The following CLUH variants were observed in gnomAD, a reference collection of about 807,000 sequenced individuals.
CLUH encodes CLUH binding protein of NUMT mRNA.
CLUH carries 77 observed loss-of-function variants against 139.3 expected under a neutral mutation model. The observed-to-expected ratio is 0.55, with a 90% CI of 0.46 to 0.67. CLUH has a LOEUF of 0.67. Ranked by LOEUF, CLUH falls within the 30% of genes least tolerant of loss-of-function variation. The pLI is 0.00. For missense variants in CLUH, 1,876 were observed against 1,875.8 expected, an observed-to-expected ratio of 1.00 and a Z score of 0.00; for synonymous variants, 999 against 801.6, an observed-to-expected ratio of 1.25 and a Z score of -4.16.
intron 21 of CLUH, 34 bp downstream of exon 21, chr17:2,692,537 T>G (rs2069736762): frequency 6.2e-7 from 1 of 1,601,742 alleles, no homozygotes; most frequent in African/African-American, 1.3e-5. Flanking sequence ...GGGATGGAGC[T>G]GGGTCCCTGC....
rs1444951639 is a variant in CLUH at position 2,689,531 on chromosome 17, C to T, written c.*1063G>A. 1.3e-5 allele frequency: 2 copies of T among 152,758 alleles called. No homozygotes were observed. Among genetic ancestry groups the T allele is most frequent in the East Asian group, 1.9e-4 (1 of 5,190 alleles). The allele number at this position is 152,758 out of a possible 1,614,324, so 9.5% of individuals were successfully genotyped here. On this transcript the variant is annotated 3_prime_UTR_variant, in exon 26 of 26. Coordinates refer to ENST00000651024, the MANE Select transcript of CLUH (RefSeq NM_001366661.1). The stretch of plus-strand genomic sequence containing the variant: ...CCTTGAAACAAGGTGTCTGGACGGA[C>T]CACACCCATAAGCGGCTCTCCGCAA...
At position 2,706,106 on chromosome 17, in the gene CLUH, C is replaced by T. The variant is rs566078838; in HGVS notation, c.101-1542G>A. 3.5e-4 allele frequency among the ~76,000 whole-genome samples: 54 copies of T among 152,122 alleles called. No homozygotes were observed. Among genetic ancestry groups the T allele is most frequent in the Non-Finnish European group, 6.3e-4 (43 of 68,010 alleles). ...AGCTCTGCCCATCCCATCTAGACCCCACCTCCCCTTCCCCACCCGGCTCTC... is the reference window on the plus strand; with the variant it reads ...AGCTCTGCCCATCCCATCTAGACCCTACCTCCCCTTCCCCACCCGGCTCTC... On this transcript the variant is annotated intron_variant, in intron 1 of 25. Transcript: ENST00000651024. The surrounding 1 kb of genome is among the most constrained non-coding windows in gnomAD (Gnocchi z 4.6).
rs780150192 is a variant in CLUH at position 2,700,378 on chromosome 17, G to C, written c.1266+4C>G. The C allele has an allele frequency of 6.2e-7, 1 of 1,611,786 alleles. No individual in the cohort carries two copies. The highest frequency in any genetic ancestry group is 1.7e-5 in the Admixed American group (1 of 59,856). ...GACTGCCGGTCAGCAGAGGCTGCAG[G>C]CACCTTGAATATGGCCCTTTCTCGG... On this transcript the variant is annotated splice_donor_region_variant and intron_variant, in intron 9 of 25. Transcript: ENST00000651024.
At chr17:2,700,550 C>T (rs1324395974) in intron 8 of CLUH, 76 bp from the exon 9 acceptor site, 1 of 1,556,744 alleles carries the variant, frequency 6.4e-7, no homozygotes, top group South Asian at 1.2e-5. Flanking sequence ...GCTCCTTCTA[C>T]CTTCCTGAGA....
In CLUH at chr17:2,700,843, G is replaced by A. The variant is rs369874928; in HGVS notation, c.1026-18C>T. Reference sequence around the variant, plus strand: ...GCTGGACCCTGTGGCAGGCAGGGGAGGGGGAGATGGGGCAGCCCACCAAGC... The same window carrying A: ...GCTGGACCCTGTGGCAGGCAGGGGAAGGGGAGATGGGGCAGCCCACCAAGC... On this transcript the variant is annotated intron_variant, in intron 7 of 25. Transcript: ENST00000651024. The A allele has an allele frequency of 1.6e-5, 24 of 1,508,050 alleles. No homozygotes were observed. In the Admixed American group the frequency reaches 4.8e-4, roughly 30 times the overall value. The allele number at this position is 1,508,050 out of a possible 1,614,324, so 93.4% of individuals were successfully genotyped here. A position where few individuals can be genotyped will look rare whatever the true frequency, so the allele number is the denominator to read the frequency against.
intron 18 of CLUH, 37 bp from the exon 19 acceptor site, chr17:2,694,076 G>A (rs760093921): frequency 8.2e-5 from 132 of 1,613,842 alleles, no homozygotes; most frequent in Non-Finnish European, 1.1e-4. Flanking sequence ...GGTCAGGACG[G>A]GCCATGGGGA....
rs1031602599 is a variant in CLUH, at chr17:2,694,238, C to T, written c.2976G>A (p.Lys992=). 1 of 1,608,944 alleles carries T rather than the reference C, an allele frequency of 6.2e-7. No homozygotes were observed. Among genetic ancestry groups the T allele is most frequent in the Non-Finnish European group, 8.5e-7 (1 of 1,177,274 alleles). The change falls in exon 18 of 26, where the codon AAG becomes AAA. Residue 992 remains lysine, a synonymous_variant. Coordinates refer to ENST00000651024, the MANE Select transcript of CLUH (RefSeq NM_001366661.1). ...GCACGTCCTCCTCGGTGAACGCGGG[C>T]TTGTGGCGACTGTCGAAGCTGTACT... is the stretch of plus-strand genomic sequence containing the variant. ...LKEYSFDSRH[K]PAFTEEDVLN...
Position 2,703,512 on chromosome 17 carries a change from A to G in CLUH, c.304-23T>C, listed in dbSNP as rs1597622170. The G allele has an allele frequency of 6.2e-7, 1 of 1,606,652 alleles. No homozygotes were observed. The highest frequency in any genetic ancestry group is 8.5e-7 in the Non-Finnish European group (1 of 1,175,698). On this transcript the variant is annotated intron_variant, in intron 2 of 25. Coordinates refer to ENST00000651024, the MANE Select transcript of CLUH (RefSeq NM_001366661.1). The surrounding 1 kb of genome is among the most constrained non-coding windows in gnomAD (Gnocchi z 4.2). The stretch of plus-strand genomic sequence containing the variant: ...CACCTGCAGGGAGAAGGCCCCGCCC[A>G]CCCCGGTGAGAGAGCACGTAGCGGG...
chr17:2,691,813 G>T lies in CLUH; in HGVS notation c.3737C>A (p.Thr1246Asn), dbSNP rs1420423162. ...GCCGTTGCGGTAGATCTCGTTCATG[G>T]TGCGCTGCAGGGCCACGGCCTGCTG... The part of the protein sequence containing the change: ...LTQQAVALQR[T>N]MNEIYRNGSS... The change falls in exon 24 of 26, where the codon ACC (threonine) becomes AAC (asparagine). Residue 1246 changes from threonine to asparagine, a missense_variant. Around this residue, in one of 3 missense-constraint regions of CLUH, gnomAD observed 1,454 missense variants for 1,384.4 expected, o/e 1.05. Transcript: ENST00000651024. The T allele has an allele frequency of 3.8e-6, 6 of 1,579,798 alleles. No individual in the cohort carries two copies.
At chr17:2,705,697 T>C (rs985930809) in intron 1 of CLUH, among the ~76,000 whole-genome samples, 1 of 152,172 alleles carries the variant, frequency 6.6e-6, no homozygotes, top group Non-Finnish European at 1.5e-5. Context: ...CCAGCAGCTC[T>C]ACCCACCACC....
chr17:2,695,413 C>G lies in CLUH; in HGVS notation c.2505G>C (p.Val835=). The G allele has an allele frequency of 6.2e-7, 1 of 1,612,730 alleles. No homozygotes were observed. Among genetic ancestry groups the G allele is most frequent in the Non-Finnish European group, 8.5e-7 (1 of 1,179,760 alleles). ...MRYLGKVLEL[V]LRSPARHQLD... is the part of the protein sequence containing the mutation. ...GCTGGTGGCGGGCCGGGCTCCGCAG[C>G]ACCAGCTCCAGCACCTTGCCCAGGT... The change falls in exon 14 of 26, where the codon GTG becomes GTC. Residue 835 remains valine (V), a synonymous_variant. Transcript: ENST00000651024.
chr17:2,698,040 C>A lies in CLUH; in HGVS notation c.1817G>T (p.Arg606Leu). Residue 606 changes from arginine to leucine, a missense_variant, in exon 10 of 26, where the codon CGC becomes CTC. Physicochemically the swap from Arg to Leu is moderately radical, Grantham distance 102. Coordinates refer to ENST00000651024, the MANE Select transcript of CLUH (RefSeq NM_001366661.1). Reference protein sequence around the residue: ...DGRHYILDLLRTFPPDLNFLP... With the variant: ...DGRHYILDLLLTFPPDLNFLP... ...GAAGTTGAGGTCCGGGGGGAAGGTG[C>A]GCAGCAGGTCGAGGATGTAGTGGCG... The A allele has an allele frequency of 6.2e-7, 1 of 1,605,650 alleles. No homozygotes were observed.
Position 2,704,702 on chromosome 17 carries a change from T to A in CLUH, c.101-138A>T. 1.2e-6 allele frequency: 1 copy of A among 813,318 alleles called. No homozygotes were observed. The highest frequency in any genetic ancestry group is 1.9e-6 in the Non-Finnish European group (1 of 528,424). The allele number at this position is 813,318 out of a possible 1,614,324, so 50.4% of individuals were successfully genotyped here. A position where few individuals can be genotyped will look rare whatever the true frequency, so the allele number is the denominator to read the frequency against. ...AGAGTCCCAGCCTCACGGTCGCGCC[T>A]CGCCCTCCGTGCACCTGCAGGCCAC... On this transcript the variant is annotated intron_variant, in intron 1 of 25. Transcript: ENST00000651024. The surrounding 1 kb of genome is among the most constrained non-coding windows in gnomAD (Gnocchi z 5.7).
Position 2,694,285 on chromosome 17 carries a change from C to A in CLUH, c.2938-9G>T. ...TACTCCTTCAGCAGGACCTGGGGGG[C>A]AGCCCCCCCACCACAGGAAGCCTCA... On this transcript the variant is annotated splice_polypyrimidine_tract_variant and intron_variant, in intron 17 of 25. Coordinates refer to ENST00000651024, the MANE Select transcript of CLUH (RefSeq NM_001366661.1). 1 of 1,573,298 alleles carries A rather than the reference C, an allele frequency of 6.4e-7. No individual in the cohort carries two copies. Among genetic ancestry groups the A allele is most frequent in the Admixed American group, 1.8e-5 (1 of 56,912 alleles).
intron 1 of CLUH, among the ~76,000 whole-genome samples, chr17:2,710,847 G>A (rs2070493741): frequency 6.6e-6 from 1 of 152,226 alleles, no homozygotes; most frequent in African/African-American, 2.4e-5. Context: ...TCGCAATAAG[G>A]CAGGTTAATG....
Position 2,700,723 on chromosome 17 carries a change from G to A in CLUH, c.1128C>T (p.Asp376=), listed in dbSNP as rs73976569. 2.5e-4 allele frequency: 384 copies of A among 1,539,652 alleles called. No homozygotes were observed. The African/African-American group carries it at 4.7e-3, about 19-fold the overall frequency. Residue 376 remains aspartate, a synonymous_variant, in exon 8 of 26, where the codon GAC becomes GAT. Transcript: ENST00000651024. ...CATAGCCCAGCCTCGAGGTGTAGGC[G>A]TCCTCTGCACGCACGCAATCCATGG... is the stretch of plus-strand genomic sequence containing the variant. ...EHAMDCVRAE[D]AYTSRLGYEE...
At chr17:2,692,302 C>CCCGCCGGCTGCCCCGCAGGCCT (rs2069723237) in intron 22 of CLUH, 59 bp downstream of exon 22, 9 of 1,480,714 alleles carry the variant, frequency 6.1e-6, no homozygotes, top group Non-Finnish European at 8.0e-6. Flanking sequence ...CTTCCCCGCC[C>CCCGCCGGCTGCCCCGCAGGCCT]CCGCCGGCTG....
At chr17:2,697,186 T>G (rs1373721779) in intron 10 of CLUH, among the ~76,000 whole-genome samples, 1 of 151,648 alleles carries the variant, frequency 6.6e-6, no homozygotes, top group Non-Finnish European at 1.5e-5. Context: ...TCACTTGAGG[T>G]TGGGAGTTCG....
rs371329697 is a variant in CLUH at position 2,706,333 on chromosome 17, C to T, written c.101-1769G>A. ...CTCTAAGAGCTCAGAGTCTCTTCCCCCTTACCCCAAAGAGGGGTATTTGAA... is the reference window on the plus strand; with the variant it reads ...CTCTAAGAGCTCAGAGTCTCTTCCCTCTTACCCCAAAGAGGGGTATTTGAA... On this transcript the variant is annotated intron_variant, in intron 1 of 25. Coordinates refer to ENST00000651024, the MANE Select transcript of CLUH (RefSeq NM_001366661.1). The surrounding 1 kb of genome is among the most constrained non-coding windows in gnomAD (Gnocchi z 4.6). Among the ~76,000 whole-genome samples the T allele has an allele frequency of 2.0e-5, 3 of 152,238 alleles. No homozygotes were observed. Among genetic ancestry groups the T allele is most frequent in the African/African-American group, 7.2e-5 (3 of 41,528 alleles).
Sources: allele counts gnomAD v4.1 joint callset (sites outside exome capture counted in the v4.1 genomes callset), GRCh38; gene constraint gnomAD v4.1.1; regional missense constraint gnomAD v4.1.1; non-coding constraint Gnocchi (gnomAD v3.1); transcripts MANE v1.5; gene names NCBI Gene and HGNC (gene_info 2026-07-23, HGNC 2026-07-21).